ZNF682: variants seen among roughly 807,000 people sequenced by gnomAD.
ZNF682 encodes the protein zinc finger protein 682.
ZNF682 carries 29 observed loss-of-function variants against 36.5 expected under a neutral mutation model. The ratio of observed to expected loss-of-function variants is 0.80; its 90% CI spans 0.59 to 1.08. ZNF682 has a LOEUF of 1.08. Ranked by LOEUF, ZNF682 falls within the 50% of genes least tolerant of loss-of-function variation. ZNF682 has a pLI of 0.00. For missense variants in ZNF682, 561 were observed against 579.7 expected (o/e 0.97, Z 0.33); for synonymous variants, 180 against 197.0 (o/e 0.91, Z 0.72).
At chr19:20,008,410 T>C (rs184008111) in intron 3 of ZNF682, among the ~76,000 whole-genome samples, 3 of 152,112 alleles carry the variant, frequency 2.0e-5, no homozygotes, top group East Asian at 1.9e-4. Flanking sequence ...ACCTGCTGAG[T>C]TGGGGGACCA....
chr19:20,007,751 G>A (rs2088241519), intron 3 of ZNF682: 1 of 155,892 alleles, frequency 6.4e-6, no homozygotes, highest in African/African-American at 2.4e-5. Context: ...GGAGCCACCT[G>A]GAGAATAGGC....
chr19:20,021,906 C>A lies in ZNF682; in HGVS notation c.226+1098G>T, dbSNP rs371933375. Among the ~76,000 whole-genome samples the A allele has an allele frequency of 4.5e-4, 68 of 152,168 alleles. No homozygotes were observed. The East Asian group carries it at 9.1e-3, about 20-fold the overall frequency. On this transcript the variant is annotated intron_variant, in intron 3 of 3. Transcript: ENST00000397165. Reference sequence around the variant, plus strand: ...CCATAAGGGGCTGGGCACGGTGGCTCACACCTGTAATCCCAGCACTTTGGG... The same window carrying A: ...CCATAAGGGGCTGGGCACGGTGGCTAACACCTGTAATCCCAGCACTTTGGG...
At chr19:20,031,812 G>A (rs1471678670) in intron 1 of ZNF682, among the ~76,000 whole-genome samples, 1 of 152,056 alleles carries the variant, frequency 6.6e-6, no homozygotes, top group Non-Finnish European at 1.5e-5. Context: ...CGAGGTGGCG[G>A]GTGCCTGTAG....
chr19:20,031,885 C>A (rs1438668091), intron 1 of ZNF682, among the ~76,000 whole-genome samples: 1 of 152,052 alleles, frequency 6.6e-6, no homozygotes, highest in Non-Finnish European at 1.5e-5. Flanking sequence ...GAAAAGTGGG[C>A]CGATAAAAAG....
chr19:20,018,825 T>A (rs1361980684), intron 3 of ZNF682, among the ~76,000 whole-genome samples: 1 of 152,198 alleles, frequency 6.6e-6, no homozygotes, highest in Non-Finnish European at 1.5e-5. Flanking sequence ...AATTTCTTGT[T>A]ACAAAAGACC....
At chr19:20,019,927 T>C (rs2088369004) in intron 3 of ZNF682, among the ~76,000 whole-genome samples, 2 of 151,500 alleles carry the variant, frequency 1.3e-5, no homozygotes. Flanking sequence ...ACAAAAAGAA[T>C]AGGGCTGGGT....
intron 3 of ZNF682, chr19:20,015,032 G>T: frequency 4.5e-6 from 1 of 220,896 alleles, no homozygotes; most frequent in Non-Finnish European, 7.6e-6. Context: ...GAGATACACT[G>T]CACGACAATG....
chr19:20,021,098 C>T (rs2088379817), intron 3 of ZNF682, among the ~76,000 whole-genome samples: 1 of 152,100 alleles, frequency 6.6e-6, no homozygotes, highest in African/African-American at 2.4e-5. Flanking sequence ...AATACACTAA[C>T]ACTAATGGTA....
intron 1 of ZNF682, 181 bp from the exon 2 acceptor site, chr19:20,024,557 GC>G: frequency 1.3e-6 from 1 of 742,330 alleles, no homozygotes; most frequent in Non-Finnish European, 2.0e-6. Flanking sequence ...AATCCATGTG[GC>G]CAGGTTCGGT....
At chr19:20,036,814 GA>G (rs869238931) in intron 1 of ZNF682, among the ~76,000 whole-genome samples, 934 of 19,918 alleles carry the variant, frequency 0.047, 11 homozygotes, top group Middle Eastern at 0.12. Context: ...AAAAAAAAAA[GA>G]AAAAAAAAAA....
chr19:20,007,849 C>T (rs959164299), intron 3 of ZNF682: 1 of 153,538 alleles, frequency 6.5e-6, no homozygotes, highest in Non-Finnish European at 1.4e-5. Flanking sequence ...TCCTCCGAGG[C>T]TCTGCATCTT....
intron 3 of ZNF682, among the ~76,000 whole-genome samples, chr19:20,011,030 C>A (rs1024365085): frequency 4.0e-5 from 6 of 150,788 alleles, no homozygotes; most frequent in African/African-American, 1.2e-4. Context: ...TTAAAAAAAA[C>A]CAAGACTTAA....
chr19:20,037,173 G>A (rs1390639398), intron 1 of ZNF682, among the ~76,000 whole-genome samples: 1 of 152,156 alleles, frequency 6.6e-6, no homozygotes. Context: ...ACAACTGAGG[G>A]GTGGCGTTGG....
rs571744728 is a variant in ZNF682 at position 20,007,177 on chromosome 19, C to G, written c.325G>C (p.Glu109Gln). 1.1e-5 allele frequency: 18 copies of G among 1,613,728 alleles called. No individual in the cohort carries two copies. In the East Asian group the frequency reaches 3.6e-4, roughly 32 times the overall value. ...CCATCCTTCCTTAAGTGTAAATCCTCAAGTCCACAGCTTCCATATCTTCTC... is the reference window on the plus strand; with the variant it reads ...CCATCCTTCCTTAAGTGTAAATCCTGAAGTCCACAGCTTCCATATCTTCTC... ...ILRRYGSCGL[E>Q]DLHLRKDGEN... The change falls in exon 4 of 4, where the codon GAG becomes CAG. Residue 109 changes from glutamate (E) to glutamine (Q), a missense_variant. Transcript: ENST00000397165.
At chr19:20,022,681 A>T (rs1208432156) in intron 3 of ZNF682, among the ~76,000 whole-genome samples, 1 of 152,162 alleles carries the variant, frequency 6.6e-6, no homozygotes, top group Non-Finnish European at 1.5e-5. Context: ...AAAGAAAAAA[A>T]TAGTTTAACA....
At chr19:20,001,685 A>G (rs1333780073), downstream of ZNF682, among the ~76,000 whole-genome samples, 1 of 152,240 alleles carries the variant, frequency 6.6e-6, no homozygotes, top group Non-Finnish European at 1.5e-5. Context: ...GAAATCTAAC[A>G]GATGTTGGTG....
chr19:20,027,499 C>T (rs968213165), intron 1 of ZNF682, among the ~76,000 whole-genome samples: 14 of 152,218 alleles, frequency 9.2e-5, no homozygotes, highest in Admixed American at 5.9e-4. Context: ...ATGGCTCATG[C>T]CTGTAATCCC....
At chr19:19,996,400 C>T (rs947258178), downstream of ZNF682, among the ~76,000 whole-genome samples, 3 of 152,120 alleles carry the variant, frequency 2.0e-5, no homozygotes, top group African/African-American at 7.2e-5. Context: ...TATAGCAGCA[C>T]TATTTGCAAT....
intron 3 of ZNF682, chr19:20,008,182 A>C (rs1014890689): frequency 2.0e-5 from 3 of 152,284 alleles, no homozygotes; most frequent in African/African-American, 7.2e-5. Flanking sequence ...CTGTCAGCAC[A>C]CAGAGAAGTC....
Sources: gnomAD v4.1 joint callset for allele counts (sites outside exome capture counted in the v4.1 genomes callset) on GRCh38, gnomAD v4.1.1 for gene constraint, MANE v1.5 for transcripts, NCBI Gene and HGNC (gene_info 2026-07-23, HGNC 2026-07-21) for gene names.